The following CARS2 variants were observed in gnomAD, a reference collection of about 807,000 sequenced individuals.
The protein encoded by CARS2 is cysteinyl-tRNA synthetase 2, mitochondrial.
CARS2 carries 52 observed loss-of-function variants against 68.8 expected under a neutral mutation model. The observed-to-expected ratio is 0.76, with a 90% CI of 0.61 to 0.95. The LOEUF (loss-of-function observed/expected upper bound fraction) is 0.95. CARS2 is among the 40% of genes least tolerant of loss of function. The pLI is 0.00. For missense variants in CARS2, 780 were observed against 754.2 expected, an observed-to-expected ratio of 1.03 and a Z score of -0.40; for synonymous variants, 314 against 303.6, an observed-to-expected ratio of 1.03 and a Z score of -0.36.
At chr13:110,669,608 C>T (rs761962957) in intron 7 of CARS2, among the ~76,000 whole-genome samples, 11 of 151,956 alleles carry the variant, frequency 7.2e-5, no homozygotes, top group South Asian at 2.1e-4. Flanking sequence ...CCAAGATGGC[C>T]GAATAGGAAC....
Position 110,706,033 on chromosome 13 carries a change from G to C in CARS2, c.61C>G (p.Leu21Val). The change falls in exon 1 of 15, where the codon CTT becomes GTT. Residue 21 changes from leucine to valine, a missense_variant. Transcript: ENST00000257347. ...GGCCAGTGCCACCCAGCCCGCCCAA[G>C]GCCCAGCGCGGCCTGGAGCAGCGGG... Reference protein sequence around the residue: ...GPPLLQAALGLGRAGWHWPAG... With the variant: ...GPPLLQAALGVGRAGWHWPAG... The C allele has an allele frequency of 7.2e-7, 1 of 1,381,462 alleles. No homozygotes were observed. Among genetic ancestry groups the C allele is most frequent in the South Asian group, 1.7e-5 (1 of 59,746 alleles). 85.6% of individuals were successfully genotyped at this position (1,381,462 alleles called of 1,614,324 possible). A position where few individuals can be genotyped will look rare whatever the true frequency, so the allele number is the denominator to read the frequency against.
At chr13:110,697,869 T>C (rs2139909808) in intron 3 of CARS2, 1 of 442,188 alleles carries the variant, frequency 2.3e-6, no homozygotes, top group South Asian at 1.6e-5. Context: ...GGTGGGAGAC[T>C]ACCCAGTTAT....
chr13:110,672,311 G>C (rs182020842), intron 7 of CARS2, among the ~76,000 whole-genome samples: 3 of 152,284 alleles, frequency 2.0e-5, no homozygotes, highest in Admixed American at 2.0e-4. Flanking sequence ...CCACATATTT[G>C]GAAGTAAAGC....
chr13:110,705,383 A>G lies in CARS2; in HGVS notation c.275+138T>C. The G allele has an allele frequency of 3.1e-6, 2 of 638,922 alleles. No individual in the cohort carries two copies. Among genetic ancestry groups the G allele is most frequent in the Non-Finnish European group, 5.4e-6 (2 of 372,322 alleles). The allele number at this position is 638,922 out of a possible 1,614,324, so 39.6% of individuals were successfully genotyped here. A position where few individuals can be genotyped will look rare whatever the true frequency, so the allele number is the denominator to read the frequency against. ...CCTATAAGAACCAAATGAGGTTGTA[A>G]CATTTCCCACAATGCCTGGAATGTA... On this transcript the variant is annotated intron_variant, in intron 2 of 14. Coordinates refer to ENST00000257347, the MANE Select transcript of CARS2 (RefSeq NM_024537.4). This position sits in a 1 kb window ranked among gnomAD's most constrained non-coding sequence, Gnocchi z 4.0.
chr13:110,664,201 A>G (rs1174973551), intron 8 of CARS2: 1 of 985,156 alleles, frequency 1.0e-6, no homozygotes, highest in Non-Finnish European at 1.2e-6. Flanking sequence ...TTTTTCTGAC[A>G]CAACTTCAAA....
intron 1 of CARS2, chr13:110,712,448 G>T: frequency 5.3e-6 from 1 of 189,148 alleles, no homozygotes; most frequent in Non-Finnish European, 1.1e-5. Context: ...CGAAGCCGAG[G>T]CCGCCCCGGA....
intron 12 of CARS2, chr13:110,645,057 C>T (rs8000294): frequency 0.74 from 113,563 of 153,922 alleles, 42,596 homozygotes; most frequent in Non-Finnish European, 0.82. Context: ...AGGCCGCGGA[C>T]GGGCTGAGGA....
In CARS2 at chr13:110,668,097, TAGAG is replaced by T. The variant is rs2062698293; in HGVS notation, c.786-628_786-625del. On this transcript the variant is annotated intron_variant, in intron 7 of 14. Transcript: ENST00000257347. This position sits in a 1 kb window ranked among gnomAD's most constrained non-coding sequence, Gnocchi z 4.1. The stretch of plus-strand genomic sequence containing the variant: ...CGGTGGATTTTCTTAAAATGATAGA[TAGAG>T]AAATTTCTAAGGTGCCAACACCTCG... Among the ~76,000 whole-genome samples, 1 of 152,156 alleles carries T rather than the reference TAGAG, an allele frequency of 6.6e-6. No individual in the cohort carries two copies. The highest frequency in any genetic ancestry group is 2.4e-5 in the African/African-American group (1 of 41,440).
intron 12 of CARS2, chr13:110,645,039 AAGGCAGG>A (rs1456378929): frequency 6.5e-6 from 1 of 154,550 alleles, no homozygotes; most frequent in Non-Finnish European, 1.4e-5. Flanking sequence ...AGCTGCGGTG[AAGGCAGG>A]AGGCCGCGGA....
intron 2 of CARS2, among the ~76,000 whole-genome samples, chr13:110,702,804 G>A (rs1261148648): frequency 6.6e-6 from 1 of 152,184 alleles, no homozygotes; most frequent in Non-Finnish European, 1.5e-5. Flanking sequence ...AGCCAAGTCT[G>A]AAGAACATGG....
intron 3 of CARS2, among the ~76,000 whole-genome samples, chr13:110,699,820 G>A (rs1010866683): frequency 6.6e-5 from 10 of 152,364 alleles, no homozygotes; most frequent in Middle Eastern, 3.4e-3. Context: ...AGTGATGTGC[G>A]GGGCACTGGC....
chr13:110,647,936 G>A (rs1204023897), intron 10 of CARS2, among the ~76,000 whole-genome samples: 3 of 152,176 alleles, frequency 2.0e-5, no homozygotes, highest in Admixed American at 1.3e-4. Flanking sequence ...TTCCCAGGCT[G>A]TCTGAGTCCA....
chr13:110,665,838 G>C lies in CARS2; in HGVS notation c.919+1502C>G, dbSNP rs1361363630. On this transcript the variant is annotated intron_variant, in intron 8 of 14. Transcript: ENST00000257347. This position sits in a 1 kb window ranked among gnomAD's most constrained non-coding sequence, Gnocchi z 4.3. Reference sequence around the variant, plus strand: ...CGGACCAGAAAACCGGAGCACTTCTGCATTTAATGTCACCTTACTGTGACA... The same window carrying C: ...CGGACCAGAAAACCGGAGCACTTCTCCATTTAATGTCACCTTACTGTGACA... 1.0e-6 allele frequency: 1 copy of C among 985,268 alleles called. No homozygotes were observed. Among genetic ancestry groups the C allele is most frequent in the Non-Finnish European group, 1.2e-6 (1 of 829,928 alleles). The allele number at this position is 985,268 out of a possible 1,614,324, so 61.0% of individuals were successfully genotyped here. A position where few individuals can be genotyped will look rare whatever the true frequency, so the allele number is the denominator to read the frequency against.
rs201758363 is a variant in CARS2 at position 110,683,135 on chromosome 13, CTG to C, written c.572-3_572-2del. 2,534 of 1,576,954 alleles carry C rather than the reference CTG, an allele frequency of 1.6e-3. 41 individuals carry two copies. The African/African-American group carries it at 0.031, about 19-fold the overall frequency. Reference sequence around the variant, plus strand: ...GACTTCAGATCGAAGTAGACATTGCCTGTTTATAAAGACAATTATGAATTCAT... The same window carrying C: ...GACTTCAGATCGAAGTAGACATTGCCTTTATAAAGACAATTATGAATTCAT... On this transcript the variant is annotated splice_acceptor_variant and splice_polypyrimidine_tract_variant and intron_variant, in intron 5 of 14. Coordinates refer to ENST00000257347, the MANE Select transcript of CARS2 (RefSeq NM_024537.4). LOFTEE classifies it high-confidence loss of function.
At position 110,653,181 on chromosome 13, in the gene CARS2, G is replaced by A. The variant is rs1213104280; in HGVS notation, c.988-2081C>T. On this transcript the variant is annotated intron_variant, in intron 9 of 14. Transcript: ENST00000257347. This position sits in a 1 kb window ranked among gnomAD's most constrained non-coding sequence, Gnocchi z 5.6. ...CCAGGCTGCCACAGGGGCCTGGGGT[G>A]GGGAGGGGGGCTGGGGTATGTGTGT... is the stretch of plus-strand genomic sequence containing the variant. Among the ~76,000 whole-genome samples, 1 of 113,830 alleles carries A rather than the reference G, an allele frequency of 8.8e-6. No homozygotes were observed. The highest frequency in any genetic ancestry group is 1.0e-4 in the Admixed American group (1 of 10,032). The allele number at this position is 113,830 out of a possible 152,430, so 74.7% of individuals were successfully genotyped here. A position where few individuals can be genotyped will look rare whatever the true frequency, so the allele number is the denominator to read the frequency against.
At chr13:110,699,343 A>C (rs1046656519) in intron 3 of CARS2, among the ~76,000 whole-genome samples, 1 of 152,218 alleles carries the variant, frequency 6.6e-6, no homozygotes, top group African/African-American at 2.4e-5. Flanking sequence ...AAAAGCAGAG[A>C]GAACAGGGGT....
At chr13:110,641,826 C>T (rs367820484) in intron 14 of CARS2, among the ~76,000 whole-genome samples, 9 of 152,196 alleles carry the variant, frequency 5.9e-5, no homozygotes, top group East Asian at 1.9e-4. Context: ...CCCACGTCCC[C>T]GTGCTCAGCG....
intron 6 of CARS2, among the ~76,000 whole-genome samples, chr13:110,681,675 G>A (rs1430421983): frequency 6.6e-6 from 1 of 152,192 alleles, no homozygotes; most frequent in Non-Finnish European, 1.5e-5. Context: ...CAGAAGCAGC[G>A]AAGATGCCCT....
intron 1 of CARS2, chr13:110,712,463 G>C (rs1017964923): frequency 1.5e-5 from 3 of 197,662 alleles, no homozygotes; most frequent in Non-Finnish European, 3.2e-5. Context: ...CCCGGAACCA[G>C]AGAGCCAGGC....
Sources: gnomAD v4.1 joint callset for allele counts (sites outside exome capture counted in the v4.1 genomes callset) on GRCh38, gnomAD v4.1.1 for gene constraint, Gnocchi (gnomAD v3.1) non-coding constraint, MANE v1.5 for transcripts, NCBI Gene and HGNC (gene_info 2026-07-23, HGNC 2026-07-21) for gene names.